RUNX2: variants seen among roughly 807,000 people sequenced by gnomAD.
RUNX2 encodes runt-related transcription factor 2.
Under a neutral mutation model 51.7 loss-of-function variants are expected in RUNX2, and 10 were observed. The observed-to-expected ratio is 0.19, with a 90% confidence interval of 0.12 to 0.33. The LOEUF (loss-of-function observed/expected upper bound fraction) is 0.33. RUNX2 is among the 10% of genes least tolerant of loss of function. The pLI, the probability that RUNX2 is intolerant of heterozygous loss-of-function variation, is 1.00. For synonymous variants in RUNX2, 276 were observed against 273.6 expected (o/e 1.01, Z -0.09); for missense variants, 562 against 691.3 (o/e 0.81, Z 2.10).
chr6:45,391,394 TG>T (rs1374854908), intron 2 of RUNX2, among the ~76,000 whole-genome samples: 3 of 152,176 alleles, frequency 2.0e-5, no homozygotes, highest in Non-Finnish European at 4.4e-5. Flanking sequence ...CCCTTCATCA[TG>T]ATTATAAGCT....
At chr6:45,540,852 G>A (rs1380396565) in intron 7 of RUNX2, among the ~76,000 whole-genome samples, 2 of 152,170 alleles carry the variant, frequency 1.3e-5, no homozygotes, top group African/African-American at 4.8e-5. Flanking sequence ...GAGTGAAGAG[G>A]AAATAACAGT....
chr6:45,347,968 C>G (rs918310410), intron 2 of RUNX2, among the ~76,000 whole-genome samples: 3 of 152,002 alleles, frequency 2.0e-5, no homozygotes, highest in Admixed American at 1.3e-4. Context: ...CAAACAAATG[C>G]ATTACTTTTA....
intron 2 of RUNX2, among the ~76,000 whole-genome samples, chr6:45,378,444 C>T (rs1448055024): frequency 6.6e-6 from 1 of 152,154 alleles, no homozygotes; most frequent in Non-Finnish European, 1.5e-5. Context: ...CTGAACGCTC[C>T]CCGCAGGGCC....
At chr6:45,503,806 C>T (rs1800870546) in intron 6 of RUNX2, among the ~76,000 whole-genome samples, 1 of 152,198 alleles carries the variant, frequency 6.6e-6, no homozygotes, top group Non-Finnish European at 1.5e-5. Context: ...AAGAGTGCTT[C>T]TCATCACCTT....
chr6:45,407,103 C>T (rs1011182052), intron 2 of RUNX2, among the ~76,000 whole-genome samples: 7 of 152,058 alleles, frequency 4.6e-5, no homozygotes, highest in African/African-American at 1.7e-4. Flanking sequence ...GTTATAATTC[C>T]CTCAAGTTTT....
rs1189244972 is a variant in RUNX2, at chr6:45,482,119, T to C, written c.686-9822T>C. 2.6e-5 allele frequency among the ~76,000 whole-genome samples: 4 copies of C among 152,232 alleles called. No homozygotes were observed. In the East Asian group the frequency reaches 5.8e-4, roughly 22 times the overall value. On this transcript the variant is annotated intron_variant, in intron 5 of 8. Transcript: ENST00000647337. ...ACGGCGAAGTTAGCCGGATTCCCGGTTAGCTCTTTTTTTCCTGCCTGCAAA... is the reference window on the plus strand; with the variant it reads ...ACGGCGAAGTTAGCCGGATTCCCGGCTAGCTCTTTTTTTCCTGCCTGCAAA...
chr6:45,399,423 G>A (rs1490097188), intron 2 of RUNX2, among the ~76,000 whole-genome samples: 4 of 122,096 alleles, frequency 3.3e-5, no homozygotes, highest in Admixed American at 3.1e-4. Flanking sequence ...GTAGTGGCAC[G>A]ATCTTGGCTC....
intron 7 of RUNX2, among the ~76,000 whole-genome samples, chr6:45,529,951 G>A (rs992172751): frequency 6.6e-6 from 1 of 152,152 alleles, no homozygotes; most frequent in African/African-American, 2.4e-5. Context: ...CAACAACACC[G>A]TGGTATAATA....
intron 3 of RUNX2, among the ~76,000 whole-genome samples, chr6:45,425,375 T>G (rs547889465): frequency 2.5e-4 from 38 of 152,328 alleles, no homozygotes; most frequent in African/African-American, 8.7e-4. Flanking sequence ...AAAATTATTT[T>G]GAAAATAAAT....
intron 2 of RUNX2, among the ~76,000 whole-genome samples, chr6:45,329,518 A>G (rs1008449420): frequency 6.6e-6 from 1 of 151,936 alleles, no homozygotes; most frequent in African/African-American, 2.4e-5. Flanking sequence ...TTAATTTTAC[A>G]TCTACACACT....
intron 7 of RUNX2, among the ~76,000 whole-genome samples, chr6:45,521,109 C>G (rs555462640): frequency 2.3e-4 from 35 of 152,162 alleles, no homozygotes; most frequent in African/African-American, 6.7e-4. Flanking sequence ...ATTCTTGAAT[C>G]CTTATAACCT....
chr6:45,365,640 C>T (rs965677273), intron 2 of RUNX2, among the ~76,000 whole-genome samples: 1 of 147,948 alleles, frequency 6.8e-6, no homozygotes, highest in African/African-American at 2.5e-5. Flanking sequence ...CCCTACGGTT[C>T]ATCAGCAATG....
intron 2 of RUNX2, among the ~76,000 whole-genome samples, chr6:45,407,931 A>T (rs1797871793): frequency 6.6e-6 from 1 of 152,188 alleles, no homozygotes; most frequent in South Asian, 2.1e-4. Flanking sequence ...TCCTAAGTCC[A>T]TGAGTTTATA....
At chr6:45,542,121 G>A (rs942657625) in intron 7 of RUNX2, among the ~76,000 whole-genome samples, 2 of 151,998 alleles carry the variant, frequency 1.3e-5, no homozygotes, top group African/African-American at 4.8e-5. Context: ...GAGGATTCCC[G>A]GCCCTGAAAA....
At chr6:45,388,262 G>A (rs1797396782) in intron 2 of RUNX2, among the ~76,000 whole-genome samples, 1 of 152,194 alleles carries the variant, frequency 6.6e-6, no homozygotes, top group Non-Finnish European at 1.5e-5. Flanking sequence ...AGTTTTTTCA[G>A]TAATGTATGA....
intron 5 of RUNX2, among the ~76,000 whole-genome samples, chr6:45,455,121 G>T (rs922339629): frequency 1.2e-4 from 19 of 152,108 alleles, no homozygotes; most frequent in Non-Finnish European, 1.8e-4. Flanking sequence ...AGAAAAAAAA[G>T]AAAAGAAAAC....
At chr6:45,460,392 T>C (rs1340250672) in intron 5 of RUNX2, among the ~76,000 whole-genome samples, 3 of 152,158 alleles carry the variant, frequency 2.0e-5, no homozygotes, top group Admixed American at 6.5e-5. Context: ...GTGGAAGGCA[T>C]TGATGATCTT....
chr6:45,498,327 C>A (rs904790735), intron 6 of RUNX2, among the ~76,000 whole-genome samples: 1 of 152,148 alleles, frequency 6.6e-6, no homozygotes, highest in African/African-American at 2.4e-5. Flanking sequence ...TTGCTGAAGG[C>A]TACTTCAGCT....
At chr6:45,404,057 C>T (rs551219340) in intron 2 of RUNX2, among the ~76,000 whole-genome samples, 2 of 151,922 alleles carry the variant, frequency 1.3e-5, no homozygotes, top group South Asian at 2.1e-4. Flanking sequence ...GTCAGAAGTT[C>T]GAGACCACCC....
Sources: allele counts gnomAD v4.1 joint callset (sites outside exome capture counted in the v4.1 genomes callset), GRCh38; gene constraint gnomAD v4.1.1; transcripts MANE v1.5; gene names NCBI Gene and HGNC (gene_info 2026-07-23, HGNC 2026-07-21).